CADM1: variants seen among roughly 807,000 people sequenced by gnomAD.
CADM1 encodes TSLC-1.
In CADM1, 15 loss-of-function variants were observed where a neutral mutation model predicts 53.1. That is an observed-to-expected ratio of 0.28 (90% confidence interval 0.19 to 0.44). CADM1 has a LOEUF of 0.44. CADM1 is among the 20% of genes least tolerant of loss of function. The pLI is 1.00. For missense variants in CADM1, 434 were observed against 611.3 expected (o/e 0.71, Z 3.06); for synonymous variants, 281 against 243.0 (o/e 1.16, Z -1.45).
At position 115,233,796 on chromosome 11, in the gene CADM1, T is replaced by C. The variant is rs140916328; in HGVS notation, c.425-2306A>G. Reference sequence around the variant, plus strand: ...TTTTCATGTTGAAATATGCAGTGGTTCCTAATGAGAACTGTAATGGAGCAA... The same window carrying C: ...TTTTCATGTTGAAATATGCAGTGGTCCCTAATGAGAACTGTAATGGAGCAA... On this transcript the variant is annotated intron_variant, in intron 3 of 11. Transcript: ENST00000331581. 4.6e-5 allele frequency among the ~76,000 whole-genome samples: 7 copies of C among 152,256 alleles called. No homozygotes were observed. In the East Asian group the frequency reaches 1.4e-3, roughly 29 times the overall value.
At chr11:115,467,931 TTAACA>T (rs1487812673) in intron 1 of CADM1, among the ~76,000 whole-genome samples, 1 of 152,250 alleles carries the variant, frequency 6.6e-6, no homozygotes, top group African/African-American at 2.4e-5. Flanking sequence ...ATTTCTCTTC[TTAACA>T]TTAATTATTA....
intron 7 of CADM1, among the ~76,000 whole-genome samples, chr11:115,212,218 C>T (rs959753290): frequency 6.6e-6 from 1 of 152,156 alleles, no homozygotes; most frequent in Non-Finnish European, 1.5e-5. Context: ...CAGCTAGATT[C>T]TTCATGTGTA....
At chr11:115,458,975 G>A (rs963457616) in intron 1 of CADM1, among the ~76,000 whole-genome samples, 9 of 152,014 alleles carry the variant, frequency 5.9e-5, no homozygotes, top group Non-Finnish European at 1.5e-5. Flanking sequence ...TTCACAATTC[G>A]GTTAATCACT....
intron 1 of CADM1, among the ~76,000 whole-genome samples, chr11:115,421,372 T>TA (rs1450312361): frequency 6.6e-6 from 1 of 152,216 alleles, no homozygotes; most frequent in Non-Finnish European, 1.5e-5. Flanking sequence ...ATGTCTCTCT[T>TA]AACTACTGAC....
intron 1 of CADM1, among the ~76,000 whole-genome samples, chr11:115,281,443 C>A (rs949906730): frequency 1.3e-5 from 2 of 152,118 alleles, no homozygotes; most frequent in Non-Finnish European, 2.9e-5. Flanking sequence ...ATTTTTAAAA[C>A]GGGGGCAAAG....
rs747868885 is a variant in CADM1, at chr11:115,174,415, G to A, written c.*2059C>T. The A allele has an allele frequency of 3.0e-6, 3 of 985,640 alleles. No individual in the cohort carries two copies. The highest frequency in any genetic ancestry group is 3.6e-6 in the Non-Finnish European group (3 of 829,826). 61.1% of individuals were successfully genotyped at this position (985,640 alleles called of 1,614,324 possible). On this transcript the variant is annotated 3_prime_UTR_variant, in exon 12 of 12. Transcript: ENST00000331581. ...GGTGCTAAGGGCTCGGAATAGAGCT[G>A]CAGATTATAAAATTCATTGAAAAAG...
At chr11:115,219,107 T>C (rs138776601) in intron 5 of CADM1, among the ~76,000 whole-genome samples, 226 of 152,280 alleles carry the variant, frequency 1.5e-3, no homozygotes, top group African/African-American at 5.2e-3. Flanking sequence ...AGACATCGGT[T>C]GGCTGAAAGG....
At chr11:115,262,932 C>G (rs1943019842) in intron 1 of CADM1, among the ~76,000 whole-genome samples, 1 of 152,110 alleles carries the variant, frequency 6.6e-6, no homozygotes, top group African/African-American at 2.4e-5. Context: ...AGCTGTGGTA[C>G]AGTTACAAAA....
intron 5 of CADM1, among the ~76,000 whole-genome samples, chr11:115,227,253 A>G (rs1941645021): frequency 6.6e-6 from 1 of 152,212 alleles, no homozygotes; most frequent in Non-Finnish European, 1.5e-5. Context: ...TCAGATGTGG[A>G]GCCTTATTCC....
chr11:115,502,150 T>C (rs1949740229), intron 1 of CADM1, among the ~76,000 whole-genome samples: 1 of 151,946 alleles, frequency 6.6e-6, no homozygotes, highest in African/African-American at 2.4e-5. Context: ...GAAGGCAACT[T>C]CTCACCGCGA....
intron 1 of CADM1, among the ~76,000 whole-genome samples, chr11:115,360,504 G>T (rs972618154): frequency 1.3e-5 from 2 of 152,168 alleles, no homozygotes; most frequent in African/African-American, 4.8e-5. Context: ...AGAATTAAAT[G>T]CTGACACCAA....
intron 1 of CADM1, among the ~76,000 whole-genome samples, chr11:115,488,809 C>CT (rs1253617291): frequency 6.6e-6 from 1 of 152,168 alleles, no homozygotes; most frequent in Non-Finnish European, 1.5e-5. Flanking sequence ...AACAGACTGC[C>CT]TTACCCATGT....
At chr11:115,254,039 A>AT (rs1942694076) in intron 1 of CADM1, among the ~76,000 whole-genome samples, 1 of 152,156 alleles carries the variant, frequency 6.6e-6, no homozygotes, top group African/African-American at 2.4e-5. Flanking sequence ...TGAGGTGCAA[A>AT]TGAGATAATC....
At position 115,217,991 on chromosome 11, in the gene CADM1, T is replaced by C. The variant is rs1325558376; in HGVS notation, c.722A>G (p.Tyr241Cys). ...CATCTGAATGTGCACTTGAGGCTTA[T>C]CTGTGTGACAAAAACACAAAGTATA... is the stretch of plus-strand genomic sequence containing the variant. ...LQTQRYLEVQ[Y>C]KPQVHIQMTY... The change falls in exon 6 of 12, where the codon TAT (tyrosine) becomes TGT (cysteine). Residue 241 changes from tyrosine to cysteine, a missense_variant and splice_region_variant. Tyr to Cys is a radical substitution (Grantham distance 194). This residue lies in a region of CADM1 where 311 missense variants were observed against 435.1 expected (regional missense o/e 0.71). Transcript: ENST00000331581. 6.2e-7 allele frequency: 1 copy of C among 1,607,656 alleles called. No individual in the cohort carries two copies. The highest frequency in any genetic ancestry group is 1.3e-5 in the African/African-American group (1 of 74,764).
intron 1 of CADM1, among the ~76,000 whole-genome samples, chr11:115,416,129 C>T (rs1037071205): frequency 2.0e-5 from 3 of 152,220 alleles, no homozygotes; most frequent in African/African-American, 7.2e-5. Context: ...AGCTCTTCCG[C>T]TGATAATGCC....
chr11:115,219,231 G>T (rs1396783880), intron 5 of CADM1, among the ~76,000 whole-genome samples: 2 of 152,132 alleles, frequency 1.3e-5, no homozygotes, highest in African/African-American at 4.8e-5. Flanking sequence ...ATGGAATAAG[G>T]GAGAAGATAG....
chr11:115,399,452 T>C (rs1409715558), intron 1 of CADM1: 1 of 152,104 alleles, frequency 6.6e-6, no homozygotes, highest in African/African-American at 2.4e-5. Context: ...AGAAGAGGAA[T>C]GAAACCCTCA....
chr11:115,261,877 T>C (rs777245549), intron 1 of CADM1, among the ~76,000 whole-genome samples: 6 of 152,124 alleles, frequency 3.9e-5, no homozygotes, highest in Non-Finnish European at 8.8e-5. Flanking sequence ...CCTCCTGGGT[T>C]CAAGCAATTC....
intron 1 of CADM1, among the ~76,000 whole-genome samples, chr11:115,365,112 A>G (rs1490670331): frequency 1.3e-5 from 2 of 152,160 alleles, no homozygotes; most frequent in Non-Finnish European, 2.9e-5. Flanking sequence ...GTACCCAGGC[A>G]TGGCTAGCCC....
Sources: gnomAD v4.1 joint callset for allele counts (sites outside exome capture counted in the v4.1 genomes callset) on GRCh38, gnomAD v4.1.1 for gene constraint, gnomAD v4.1.1 regional missense constraint, MANE v1.5 for transcripts, NCBI Gene and HGNC (gene_info 2026-07-23, HGNC 2026-07-21) for gene names.